Variants in ABI3BP observed in about 807,000 individuals in gnomAD.
ABI3BP encodes target of Nesh-SH3.
A neutral mutation model predicts 268.6 loss-of-function variants in ABI3BP; 216 were observed. The ratio of observed to expected loss-of-function variants is 0.80; its 90% CI spans 0.72 to 0.90. ABI3BP has a LOEUF of 0.90. ABI3BP is among the 40% of genes least tolerant of loss of function. ABI3BP has a pLI of 0.00. For synonymous variants in ABI3BP, 730 were observed against 730.0 expected (o/e 1.00, Z 0.00); for missense variants, 2,090 against 2,182.4 (o/e 0.96, Z 0.84).
intron 6 of ABI3BP, among the ~76,000 whole-genome samples, chr3:100,878,925 G>A (rs181403671): frequency 6.6e-6 from 1 of 152,086 alleles, no homozygotes; most frequent in Non-Finnish European, 1.5e-5. Flanking sequence ...CTATTTCTGG[G>A]GTACGATGTG....
At chr3:100,751,511 C>G in intron 67 of ABI3BP, 41 bp downstream of exon 67, 1 of 1,494,828 alleles carries the variant, frequency 6.7e-7, no homozygotes, top group Non-Finnish European at 9.0e-7. Context: ...CTGAGTTAAT[C>G]TGTAAAACTC....
At chr3:100,965,021 A>G (rs2080750347) in intron 1 of ABI3BP, among the ~76,000 whole-genome samples, 1 of 149,666 alleles carries the variant, frequency 6.7e-6, no homozygotes, top group African/African-American at 2.4e-5. Flanking sequence ...AGGAAACCCA[A>G]ACTGCATTAT....
At chr3:100,820,150 T>C (rs1260755253) in intron 40 of ABI3BP, 70 bp downstream of exon 40, 4 of 1,318,352 alleles carry the variant, frequency 3.0e-6, no homozygotes, top group Non-Finnish European at 4.2e-6. Flanking sequence ...ATCACTCCCA[T>C]CATTGGCATC....
At chr3:100,985,359 C>T (rs1038416585) in intron 1 of ABI3BP, among the ~76,000 whole-genome samples, 6 of 151,832 alleles carry the variant, frequency 4.0e-5, no homozygotes, top group African/African-American at 1.2e-4. Flanking sequence ...CCATGTTAGC[C>T]AGGATGGTCT....
At chr3:100,763,799 G>A (rs961381292) in intron 63 of ABI3BP, among the ~76,000 whole-genome samples, 3 of 152,142 alleles carry the variant, frequency 2.0e-5, no homozygotes, top group African/African-American at 7.2e-5. Context: ...TACCCAAATG[G>A]CACTCTTGCC....
At chr3:100,826,031 T>C (rs1349665627) in intron 34 of ABI3BP, among the ~76,000 whole-genome samples, 187 bp from the exon 35 acceptor site, 1 of 152,170 alleles carries the variant, frequency 6.6e-6, no homozygotes, top group Non-Finnish European at 1.5e-5. Flanking sequence ...GTCAAAGCCC[T>C]AATCCTCATA....
At position 100,773,797 on chromosome 3, in the gene ABI3BP, G is replaced by C. The variant is rs115112001; in HGVS notation, c.4531+808C>G. On this transcript the variant is annotated intron_variant, in intron 61 of 67. Transcript: ENST00000471714. ...ACTGATATACATGCAGCAACATAGA[G>C]AAATCTCCAAATATTTATGCTGATA... 3.4e-3 allele frequency among the ~76,000 whole-genome samples: 519 copies of C among 152,288 alleles called. 5 individuals carry two copies. Among genetic ancestry groups the C allele is most frequent in the Non-Finnish European group, 5.0e-3 (338 of 68,000 alleles).
At chr3:100,786,485 T>C (rs1026683071) in intron 57 of ABI3BP, among the ~76,000 whole-genome samples, 3 of 152,298 alleles carry the variant, frequency 2.0e-5, no homozygotes, top group African/African-American at 2.4e-5. Flanking sequence ...AATTGCATGC[T>C]CCTAATAAGA....
At chr3:100,975,320 C>G (rs1470922511) in intron 1 of ABI3BP, among the ~76,000 whole-genome samples, 1 of 151,964 alleles carries the variant, frequency 6.6e-6, no homozygotes, top group East Asian at 1.9e-4. Flanking sequence ...AACCTCAAAG[C>G]AATATACCTG....
intron 1 of ABI3BP, among the ~76,000 whole-genome samples, chr3:100,942,607 C>A (rs1375579323): frequency 2.0e-5 from 3 of 152,040 alleles, no homozygotes; most frequent in Admixed American, 6.6e-5. Flanking sequence ...TGCTTACATT[C>A]TGTTGCCCTT....
chr3:100,865,358 A>G (rs2099039511), intron 10 of ABI3BP, among the ~76,000 whole-genome samples: 1 of 152,212 alleles, frequency 6.6e-6, no homozygotes. Context: ...TAAAAGTCTT[A>G]CTTAGAGCTA....
intron 34 of ABI3BP, among the ~76,000 whole-genome samples, chr3:100,828,147 A>C (rs1328482722): frequency 2.0e-5 from 3 of 152,330 alleles, no homozygotes; most frequent in Admixed American, 6.5e-5. Flanking sequence ...GAATATGTCA[A>C]ATCTCCCTTA....
chr3:100,951,870 T>G (rs2075198113), intron 1 of ABI3BP, among the ~76,000 whole-genome samples: 1 of 151,966 alleles, frequency 6.6e-6, no homozygotes, highest in Non-Finnish European at 1.5e-5. Flanking sequence ...GAGCCCAAAA[T>G]TTTATTATAA....
intron 58 of ABI3BP, 71 bp from the exon 59 acceptor site, chr3:100,778,447 G>GT: frequency 1.4e-6 from 2 of 1,385,492 alleles, no homozygotes; most frequent in Non-Finnish European, 2.0e-6. Context: ...AAAAAACAGG[G>GT]TTTTTAAAAA....
intron 1 of ABI3BP, among the ~76,000 whole-genome samples, chr3:100,966,670 T>G (rs1329606446): frequency 6.6e-6 from 1 of 152,260 alleles, no homozygotes; most frequent in Non-Finnish European, 1.5e-5. Context: ...GATTAAATTA[T>G]AGGAATTTAA....
intron 16 of ABI3BP, 49 bp from the exon 17 acceptor site, chr3:100,850,168 G>A: frequency 5.9e-6 from 9 of 1,523,522 alleles, no homozygotes; most frequent in Non-Finnish European, 8.1e-6. Context: ...GTTAAAATGA[G>A]GTATTTGAAG....
At chr3:100,764,218 C>T (rs1167841906) in intron 63 of ABI3BP, among the ~76,000 whole-genome samples, 1 of 152,224 alleles carries the variant, frequency 6.6e-6, no homozygotes, top group African/African-American at 2.4e-5. Flanking sequence ...GTGTCACCTT[C>T]TTCAGGAAGA....
At chr3:100,770,130 G>T (rs1428787324) in intron 62 of ABI3BP, among the ~76,000 whole-genome samples, 1 of 152,114 alleles carries the variant, frequency 6.6e-6, no homozygotes, top group African/African-American at 2.4e-5. Flanking sequence ...AGCTGATTTA[G>T]CTTGCTAGTC....
At chr3:100,888,312 T>C (rs980411348) in intron 4 of ABI3BP, among the ~76,000 whole-genome samples, 2 of 152,134 alleles carry the variant, frequency 1.3e-5, no homozygotes, top group African/African-American at 4.8e-5. Context: ...AAAATATCAG[T>C]GATTTATGAA....
Sources: gnomAD v4.1 joint callset for allele counts (sites outside exome capture counted in the v4.1 genomes callset) on GRCh38, gnomAD v4.1.1 for gene constraint, MANE v1.5 for transcripts, NCBI Gene and HGNC (gene_info 2026-07-23, HGNC 2026-07-21) for gene names.